The following KCNT1 variants were observed in gnomAD, a reference collection of about 807,000 sequenced individuals.
KCNT1 encodes potassium sodium-activated channel subfamily T member 1.
KCNT1 carries 78 observed loss-of-function variants against 147.8 expected under a neutral mutation model. The observed-to-expected ratio is 0.53, with a 90% CI of 0.44 to 0.64. KCNT1 has a LOEUF of 0.64. Among genes scored for constraint, KCNT1 ranks in the 30% least tolerant of loss-of-function variants. The pLI is 0.00. For synonymous variants in KCNT1, 867 were observed against 748.8 expected (o/e 1.16, Z -2.58); for missense variants, 1,419 against 1,750.3 (o/e 0.81, Z 3.38).
chr9:135,774,970 C>T (rs992073994), intron 19 of KCNT1, among the ~76,000 whole-genome samples: 1 of 152,120 alleles, frequency 6.6e-6, no homozygotes, highest in Admixed American at 6.5e-5. Context: ...GCCTTGCAGC[C>T]GCTGCTGACC....
intron 2 of KCNT1, among the ~76,000 whole-genome samples, chr9:135,715,446 C>T (rs1835684695): frequency 6.6e-6 from 1 of 151,688 alleles, no homozygotes; most frequent in Non-Finnish European, 1.5e-5. Flanking sequence ...AAGGCAAGTG[C>T]TCTGAGGACT....
chr9:135,791,487 G>A (rs1834523280), intron 29 of KCNT1: 1 of 403,890 alleles, frequency 2.5e-6, no homozygotes, highest in African/African-American at 2.0e-5. Context: ...GCTGGTGTGT[G>A]CAGGTGTGCT....
intron 19 of KCNT1, among the ~76,000 whole-genome samples, chr9:135,773,749 C>T (rs1832916211): frequency 6.6e-6 from 1 of 152,258 alleles, no homozygotes; most frequent in African/African-American, 2.4e-5. Context: ...GACAGCCCAG[C>T]TGCTGGGAAA....
intron 2 of KCNT1, among the ~76,000 whole-genome samples, chr9:135,727,332 CCTCCCTCTTT>C (rs1229349207): frequency 8.5e-6 from 1 of 117,734 alleles, no homozygotes; most frequent in Non-Finnish European, 1.8e-5. Context: ...CCCCTCTCTC[CCTCCCTCTTT>C]CTCCCTCTTT....
At chr9:135,784,385 G>C in intron 25 of KCNT1, 150 bp from the exon 26 acceptor site, 1 of 671,860 alleles carries the variant, frequency 1.5e-6, no homozygotes, top group Non-Finnish European at 2.6e-6. Context: ...TTGGGGACCT[G>C]GTGGTTCTGT....
At position 135,768,681 on chromosome 9, in the gene KCNT1, A is replaced by G; in HGVS notation, c.1401+8A>G. 2 of 1,549,816 alleles carry G rather than the reference A, an allele frequency of 1.3e-6. No homozygotes were observed. The highest frequency in any genetic ancestry group is 1.7e-6 in the Non-Finnish European group (2 of 1,146,526). Reference sequence around the variant, plus strand: ...GTGGACCGCACGGCTGCAGTGAGTGAGGCTGAGGCCCTGCCCAGGCGGGAG... The same window carrying G: ...GTGGACCGCACGGCTGCAGTGAGTGGGGCTGAGGCCCTGCCCAGGCGGGAG... On this transcript the variant is annotated splice_region_variant and intron_variant, in intron 14 of 30. Coordinates refer to ENST00000371757, the MANE Select transcript of KCNT1 (RefSeq NM_020822.3).
At chr9:135,770,533 TG>T in intron 17 of KCNT1, 86 bp downstream of exon 17, 1 of 1,504,146 alleles carries the variant, frequency 6.6e-7, no homozygotes, top group Non-Finnish European at 8.9e-7. Flanking sequence ...GGCACAGGGG[TG>T]GCCCTGGGGC....
chr9:135,772,786 A>C lies in KCNT1; in HGVS notation c.2080A>C (p.Lys694Gln). Reference protein sequence around the residue: ...TQSGGGGGGSKLALPTENGSG... With the variant: ...TQSGGGGGGSQLALPTENGSG... ...GAGCGGCGGTGGGGGCGGGGGCAGC[A>C]AGCTGGCACTGCCCACGGAGAACGG... The change falls in exon 19 of 31, where the codon AAG (lysine) becomes CAG (glutamine). Residue 694 changes from lysine to glutamine, a missense_variant. Physicochemically the swap from Lys to Gln is moderately conservative, Grantham distance 53. Around this residue, in one of 5 missense-constraint regions of KCNT1, gnomAD observed 284 missense variants for 292.8 expected, o/e 0.97. Transcript: ENST00000371757. 1 of 1,493,532 alleles carries C rather than the reference A, an allele frequency of 6.7e-7. No individual in the cohort carries two copies. Among genetic ancestry groups the C allele is most frequent in the Non-Finnish European group, 8.9e-7 (1 of 1,119,364 alleles). The allele number at this position is 1,493,532 out of a possible 1,614,324, so 92.5% of individuals were successfully genotyped here.
chr9:135,725,242 T>G (rs1836086927), intron 2 of KCNT1, among the ~76,000 whole-genome samples: 1 of 152,172 alleles, frequency 6.6e-6, no homozygotes, highest in Admixed American at 6.5e-5. Flanking sequence ...TCCCCTATAG[T>G]GTTTGAACAG....
rs558611024 is a variant in KCNT1 at position 135,706,111 on chromosome 9, G to C, written c.110+3743G>C. Among the ~76,000 whole-genome samples, 8 of 152,192 alleles carry C rather than the reference G, an allele frequency of 5.3e-5. 1 individual carries two copies. Among genetic ancestry groups the C allele is most frequent in the Admixed American group, 4.6e-4 (7 of 15,286 alleles). ...ATGCAGTAGCTGTGTCAGCTCTGGC[G>C]AGTCACTTCACCTCTCTGGGCCTCA... is the stretch of plus-strand genomic sequence containing the variant. On this transcript the variant is annotated intron_variant, in intron 1 of 30. Coordinates refer to ENST00000371757, the MANE Select transcript of KCNT1 (RefSeq NM_020822.3).
At chr9:135,765,941 AT>A (rs1233864300) in intron 13 of KCNT1, among the ~76,000 whole-genome samples, 181 bp downstream of exon 13, 1 of 151,508 alleles carries the variant, frequency 6.6e-6, no homozygotes, top group Non-Finnish European at 1.5e-5. Flanking sequence ...GGGGTGGACC[AT>A]TTAGGGTGGA....
chr9:135,713,289 C>T (rs530576175), intron 1 of KCNT1, among the ~76,000 whole-genome samples: 1 of 152,282 alleles, frequency 6.6e-6, no homozygotes, highest in African/African-American at 2.4e-5. Context: ...TGCAGCTACG[C>T]TGATGCAGTT....
chr9:135,715,219 A>G (rs1835677541), intron 2 of KCNT1, among the ~76,000 whole-genome samples: 2 of 152,228 alleles, frequency 1.3e-5, no homozygotes, highest in Non-Finnish European at 2.9e-5. Context: ...CGTCCCCTCA[A>G]CATCTCCTGG....
chr9:135,779,908 C>T (rs983525409), intron 24 of KCNT1, among the ~76,000 whole-genome samples: 3 of 152,264 alleles, frequency 2.0e-5, no homozygotes, highest in Admixed American at 6.5e-5. Context: ...CTGCCCTGGC[C>T]ACTACGCCCG....
chr9:135,757,264 C>T, intron 8 of KCNT1, 34 bp downstream of exon 8: 2 of 1,612,808 alleles, frequency 1.2e-6, no homozygotes, highest in African/African-American at 1.3e-5. Flanking sequence ...AGTGCGGGCC[C>T]TGGAGCCCCA....
chr9:135,710,639 G>A (rs1279444863), intron 1 of KCNT1, among the ~76,000 whole-genome samples: 1 of 152,010 alleles, frequency 6.6e-6, no homozygotes, highest in Non-Finnish European at 1.5e-5. Flanking sequence ...TCTTTTCTTG[G>A]GCCAGACCGC....
At chr9:135,755,560 C>T (rs548680306) in intron 6 of KCNT1, among the ~76,000 whole-genome samples, 3 of 149,124 alleles carry the variant, frequency 2.0e-5, no homozygotes, top group East Asian at 2.0e-4. Context: ...GACCCAGGCT[C>T]GGTGAGCACT....
In KCNT1 at chr9:135,794,089, G is replaced by A. The variant is rs1344840155; in HGVS notation, c.*1928G>A. On this transcript the variant is annotated 3_prime_UTR_variant, in exon 31 of 31. Coordinates refer to ENST00000371757, the MANE Select transcript of KCNT1 (RefSeq NM_020822.3). ...GGGAGGAGAAGGGAGAGAAAAGCCG[G>A]TCTGGCTGCTGGGATGGGAGGGCCA... The A allele has an allele frequency of 6.6e-6, 1 of 152,502 alleles. No individual in the cohort carries two copies. The highest frequency in any genetic ancestry group is 6.5e-5 in the Admixed American group (1 of 15,298). 9.4% of individuals were successfully genotyped at this position (152,502 alleles called of 1,614,324 possible).
chr9:135,790,369 A>AC (rs1564399499), intron 29 of KCNT1: 1 of 152,136 alleles, frequency 6.6e-6, no homozygotes, highest in Non-Finnish European at 1.5e-5. Flanking sequence ...CCTGGGGAAG[A>AC]CCCCACCATG....
Sources: allele counts gnomAD v4.1 joint callset (sites outside exome capture counted in the v4.1 genomes callset), GRCh38; gene constraint gnomAD v4.1.1; regional missense constraint gnomAD v4.1.1; transcripts MANE v1.5; gene names NCBI Gene and HGNC (gene_info 2026-07-23, HGNC 2026-07-21).